NCOA6: variants seen among roughly 807,000 people sequenced by gnomAD.
NCOA6 encodes the protein nuclear receptor coactivator 6.
A neutral mutation model predicts 171.4 loss-of-function variants in NCOA6; 49 were observed. The observed-to-expected ratio is 0.29, with a 90% CI of 0.23 to 0.36. The LOEUF (loss-of-function observed/expected upper bound fraction) is 0.36, where lower values mean the gene tolerates loss of function less well. Among genes scored for constraint, NCOA6 ranks in the 10% least tolerant of loss-of-function variants. The probability of loss-of-function intolerance (pLI) is 1.00; values close to 1 mark genes in which losing one functional copy is unlikely to be tolerated. For synonymous variants in NCOA6, 910 were observed against 927.5 expected (o/e 0.98, Z 0.34); for missense variants, 2,248 against 2,554.5 (o/e 0.88, Z 2.59).
In NCOA6 at chr20:34,754,821, G is replaced by A. The variant is rs770731775; in HGVS notation, c.1576C>T (p.Pro526Ser). Residue 526 changes from proline (P) to serine (S), a missense_variant, in exon 8 of 15, where the codon CCG (proline) becomes TCG (serine). Pro to Ser is a moderately conservative substitution (Grantham distance 74). Around this residue, in one of 7 missense-constraint regions of NCOA6, gnomAD observed 987 missense variants for 1,104.7 expected, o/e 0.89. Transcript: ENST00000359003. ...GGCACCTGACCTTGCATAAAGTTCGGATTGGCCTGTCCTGCTGAGAAGCCA... is the reference window on the plus strand; with the variant it reads ...GGCACCTGACCTTGCATAAAGTTCGAATTGGCCTGTCCTGCTGAGAAGCCA... ...PPGFSAGQAN[P>S]NFMQGQVPST... is the part of the protein sequence containing the mutation. 1 of 1,614,164 alleles carries A rather than the reference G, an allele frequency of 6.2e-7. No individual in the cohort carries two copies. The highest frequency in any genetic ancestry group is 1.1e-5 in the South Asian group (1 of 91,076).
Position 34,743,210 on chromosome 20 carries a change from G to C in NCOA6, c.3046C>G (p.Pro1016Ala). Residue 1016 changes from proline (P) to alanine (A), a missense_variant, in exon 11 of 15, where the codon CCA becomes GCA. Coordinates refer to ENST00000359003, the MANE Select transcript of NCOA6 (RefSeq NM_014071.5). ...TGAGACTGTGGCTGACTGGGAGGTGGTGGCTGCTGCTGCTGAGGCAGTTGT... is the reference window on the plus strand; with the variant it reads ...TGAGACTGTGGCTGACTGGGAGGTGCTGGCTGCTGCTGCTGAGGCAGTTGT... The part of the protein sequence containing the change: ...QPQLPQQQQP[P>A]PPSQPQSQQQ... 1 of 1,614,068 alleles carries C rather than the reference G, an allele frequency of 6.2e-7. No homozygotes were observed. Among genetic ancestry groups the C allele is most frequent in the Non-Finnish European group, 8.5e-7 (1 of 1,179,992 alleles).
intron 1 of NCOA6, among the ~76,000 whole-genome samples, chr20:34,798,544 G>C (rs902572662): frequency 6.6e-6 from 1 of 152,228 alleles, no homozygotes; most frequent in Non-Finnish European, 1.5e-5. Flanking sequence ...CTTTAGGTCT[G>C]ACCCAGTGTA....
In NCOA6 at chr20:34,740,439, G is replaced by A. The variant is rs2076098003; in HGVS notation, c.5817C>T (p.Gly1939=). 6.2e-7 allele frequency: 1 copy of A among 1,614,080 alleles called. No homozygotes were observed. The highest frequency in any genetic ancestry group is 1.3e-5 in the African/African-American group (1 of 74,928). Residue 1939 remains glycine, a synonymous_variant, in exon 11 of 15, where the codon GGC becomes GGT. Coordinates refer to ENST00000359003, the MANE Select transcript of NCOA6 (RefSeq NM_014071.5). The part of the protein sequence containing the change: ...AVPTTKSNHG[G]IASESLAGGL... Reference sequence around the variant, plus strand: ...CACCCGCAAGTGACTCAGATGCTATGCCACCATGATTGCTTTTTGTGGTCG... The same window carrying A: ...CACCCGCAAGTGACTCAGATGCTATACCACCATGATTGCTTTTTGTGGTCG...
intron 12 of NCOA6, among the ~76,000 whole-genome samples, chr20:34,734,407 T>A (rs2075885441): frequency 6.6e-6 from 1 of 152,084 alleles, no homozygotes; most frequent in African/African-American, 2.4e-5. Flanking sequence ...TCTCCCAGGC[T>A]GGAGTGCAAT....
chr20:34,769,077 T>C (rs915577527), intron 4 of NCOA6, among the ~76,000 whole-genome samples: 13 of 152,182 alleles, frequency 8.5e-5, no homozygotes, highest in African/African-American at 3.1e-4. Flanking sequence ...ACCAATTCCA[T>C]TCAATAACTG....
chr20:34,758,751 TGA>T, intron 6 of NCOA6, 52 bp downstream of exon 6: 1 of 1,536,490 alleles, frequency 6.5e-7, no homozygotes, highest in Non-Finnish European at 8.8e-7. Flanking sequence ...AATTTTATAA[TGA>T]TCTGTGCAGA....
At chr20:34,814,464 T>C (rs1275725205) in intron 1 of NCOA6, among the ~76,000 whole-genome samples, 1 of 152,192 alleles carries the variant, frequency 6.6e-6, no homozygotes, top group Non-Finnish European at 1.5e-5. Flanking sequence ...TACAGATGTG[T>C]AGAAAAGTAC....
chr20:34,786,294 C>A (rs1245089514), intron 2 of NCOA6, among the ~76,000 whole-genome samples: 1 of 152,078 alleles, frequency 6.6e-6, no homozygotes, highest in Non-Finnish European at 1.5e-5. Flanking sequence ...TTTCAAAAAA[C>A]CAGCTTCTGG....
rs766432323 is a variant in NCOA6 at position 34,757,549 on chromosome 20, G to C, written c.1199C>G (p.Thr400Arg). Reference protein sequence around the residue: ...FPQMSNPGQFTAPQMKSLQGG... With the variant: ...FPQMSNPGQFRAPQMKSLQGG... Reference sequence around the variant, plus strand: ...CTGCAAACTCTTCATCTGAGGAGCTGTGAACTGGCCTGGGTTGCTCATCTG... The same window carrying C: ...CTGCAAACTCTTCATCTGAGGAGCTCTGAACTGGCCTGGGTTGCTCATCTG... The change falls in exon 7 of 15, where the codon ACA becomes AGA. Residue 400 changes from threonine (T) to arginine (R), a missense_variant. Around this residue, in one of 7 missense-constraint regions of NCOA6, gnomAD observed 987 missense variants for 1,104.7 expected, o/e 0.89. Coordinates refer to ENST00000359003, the MANE Select transcript of NCOA6 (RefSeq NM_014071.5). 6.2e-6 allele frequency: 10 copies of C among 1,613,898 alleles called. No homozygotes were observed. Among genetic ancestry groups the C allele is most frequent in the Middle Eastern group, 1.6e-4 (1 of 6,082 alleles).
intron 4 of NCOA6, among the ~76,000 whole-genome samples, chr20:34,771,550 G>A (rs1173026624): frequency 6.6e-6 from 1 of 152,186 alleles, no homozygotes; most frequent in Non-Finnish European, 1.5e-5. Flanking sequence ...CATTTTCAGT[G>A]CCTAAAAGCA....
chr20:34,741,051 G>C lies in NCOA6; in HGVS notation c.5205C>G (p.Ser1735Arg). The change falls in exon 11 of 15, where the codon AGC becomes AGG. Residue 1735 changes from serine to arginine, a missense_variant. Ser to Arg is a moderately radical substitution (Grantham distance 110, BLOSUM62 -1). Around this residue, in one of 7 missense-constraint regions of NCOA6, gnomAD observed 884 missense variants for 941.9 expected, o/e 0.94. Transcript: ENST00000359003. The part of the protein sequence containing the change: ...NIQTGRPLVL[S>R]SRATPVQLPS... The stretch of plus-strand genomic sequence containing the variant: ...GAAGCTGAACAGGGGTGGCTCGTGA[G>C]CTAAGGACCAAAGGTCGACCTGTCT... 1.2e-6 allele frequency: 2 copies of C among 1,614,254 alleles called. No homozygotes were observed. The highest frequency in any genetic ancestry group is 1.7e-6 in the Non-Finnish European group (2 of 1,180,054).
At chr20:34,777,961 G>A (rs2077386042) in intron 3 of NCOA6, among the ~76,000 whole-genome samples, 1 of 152,166 alleles carries the variant, frequency 6.6e-6, no homozygotes, top group African/African-American at 2.4e-5. Flanking sequence ...AGGCTGGAGT[G>A]CAATGGCATG....
chr20:34,718,417 G>A (rs2146895976), intron 14 of NCOA6, among the ~76,000 whole-genome samples: 1 of 150,790 alleles, frequency 6.6e-6, no homozygotes, highest in South Asian at 2.1e-4. Context: ...TGTTTTGGTA[G>A]TTGATTTTCT....
chr20:34,724,371 T>A (rs990655705), intron 14 of NCOA6, among the ~76,000 whole-genome samples: 1 of 152,218 alleles, frequency 6.6e-6, no homozygotes, highest in Admixed American at 6.5e-5. Flanking sequence ...GTGACATTCT[T>A]GCCTAGAGAC....
intron 14 of NCOA6, among the ~76,000 whole-genome samples, chr20:34,718,598 T>G (rs1239769272): frequency 6.6e-6 from 1 of 151,622 alleles, no homozygotes; most frequent in Non-Finnish European, 1.5e-5. Context: ...CTCCACCCCC[T>G]GGGTTCAAGC....
chr20:34,727,089 T>C (rs756119958), intron 14 of NCOA6, among the ~76,000 whole-genome samples, 170 bp downstream of exon 14: 1 of 152,138 alleles, frequency 6.6e-6, no homozygotes, highest in Non-Finnish European at 1.5e-5. Context: ...ACAGAAAACA[T>C]ACAGTTAAAT....
In NCOA6 at chr20:34,742,830, A is replaced by G. The variant is rs1403297078; in HGVS notation, c.3426T>C (p.Ser1142=). ...LPEASGSEAP[S]VPGGPNNMPS... ...GCATGTTGTTTGGGCCTCCTGGGAC[A>G]GATGGTGCTTCACTGCCACTTGCTT... Residue 1142 remains serine, a synonymous_variant, in exon 11 of 15, where the codon TCT becomes TCC. Coordinates refer to ENST00000359003, the MANE Select transcript of NCOA6 (RefSeq NM_014071.5). The G allele has an allele frequency of 1.2e-6, 2 of 1,614,220 alleles. No individual in the cohort carries two copies. The highest frequency in any genetic ancestry group is 4.5e-5 in the East Asian group (2 of 44,886).
Position 34,742,063 on chromosome 20 carries a change from G to A in NCOA6, c.4193C>T (p.Pro1398Leu), listed in dbSNP as rs1252271830. 2 of 1,614,196 alleles carry A rather than the reference G, an allele frequency of 1.2e-6. No homozygotes were observed. The highest frequency in any genetic ancestry group is 1.7e-6 in the Non-Finnish European group (2 of 1,180,026). The part of the protein sequence containing the change: ...GSFPNNSGLN[P>L]QNSTVSVAAV... ...AGCCACAGACACAGTAGAATTCTGA[G>A]GATTCAGCCCACTGTTGTTAGGAAA... The change falls in exon 11 of 15, where the codon CCT (proline) becomes CTT (leucine). Residue 1398 changes from proline (P) to leucine (L), a missense_variant. Coordinates refer to ENST00000359003, the MANE Select transcript of NCOA6 (RefSeq NM_014071.5).
chr20:34,752,242 G>A (rs1230058724), intron 8 of NCOA6, among the ~76,000 whole-genome samples: 2 of 152,116 alleles, frequency 1.3e-5, no homozygotes, highest in East Asian at 3.8e-4. Context: ...GAAGGCAGGG[G>A]GCAAACTACC....
Sources: allele counts gnomAD v4.1 joint callset (sites outside exome capture counted in the v4.1 genomes callset), GRCh38; gene constraint gnomAD v4.1.1; regional missense constraint gnomAD v4.1.1; transcripts MANE v1.5; gene names NCBI Gene and HGNC (gene_info 2026-07-23, HGNC 2026-07-21).